The following R3HCC1L variants were observed in gnomAD, a reference collection of about 807,000 sequenced individuals.
R3HCC1L encodes the protein coiled-coil domain-containing protein R3HCC1L.
R3HCC1L carries 51 observed loss-of-function variants against 59.9 expected under a neutral mutation model. That is an observed-to-expected ratio of 0.85 (90% CI 0.68 to 1.07). The LOEUF (loss-of-function observed/expected upper bound fraction) is 1.07, where lower values mean the gene tolerates loss of function less well. Ranked by LOEUF, R3HCC1L falls within the 50% of genes least tolerant of loss-of-function variation. The probability of loss-of-function intolerance (pLI) is 0.00; values close to 1 mark genes in which losing one functional copy is unlikely to be tolerated. For synonymous variants in R3HCC1L, 322 were observed against 315.2 expected (o/e 1.02, Z -0.23); for missense variants, 965 against 933.0 (o/e 1.03, Z -0.45).
intron 4 of R3HCC1L, chr10:98,186,530 G>A (rs1324331697): frequency 2.0e-6 from 2 of 982,300 alleles, no homozygotes; most frequent in Non-Finnish European, 2.4e-6. Context: ...ACATTAGAGT[G>A]TTCAAGTCTT....
chr10:98,208,522 G>A lies in R3HCC1L; in HGVS notation c.408G>A (p.Leu136=), dbSNP rs370973175. 4.9e-5 allele frequency: 79 copies of A among 1,614,160 alleles called. No homozygotes were observed. The South Asian group carries it at 8.3e-4, about 17-fold the overall frequency. The part of the protein sequence containing the change: ...PNAGVITNAP[L]QRHFKPKKVE... ...CTGGGGTTATAACTAATGCACCTTT[G>A]CAGAGACATTTTAAACCAAAGAAGG... The change falls in exon 5 of 10, where the codon TTG becomes TTA. Residue 136 remains leucine, a synonymous_variant. Transcript: ENST00000298999.
At chr10:98,144,663 G>C (rs577606591) in intron 1 of R3HCC1L, among the ~76,000 whole-genome samples, 1 of 152,338 alleles carries the variant, frequency 6.6e-6, no homozygotes, top group South Asian at 2.1e-4. Flanking sequence ...GATTTCCAAA[G>C]TATTGACACA....
chr10:98,203,925 A>G (rs1363843188), intron 4 of R3HCC1L, among the ~76,000 whole-genome samples: 1 of 152,186 alleles, frequency 6.6e-6, no homozygotes, highest in Non-Finnish European at 1.5e-5. Context: ...GACCTCCATT[A>G]TGAAGGAATC....
chr10:98,235,585 T>A (rs1856842020), intron 8 of R3HCC1L, 65 bp downstream of exon 8: 1 of 1,286,770 alleles, frequency 7.8e-7, no homozygotes, highest in African/African-American at 1.5e-5. Flanking sequence ...TCCAGAAGTT[T>A]TATAGCATCC....
chr10:98,154,182 C>CAAAA (rs61379048), intron 1 of R3HCC1L, among the ~76,000 whole-genome samples: 70 of 92,794 alleles, frequency 7.5e-4, no homozygotes, highest in Non-Finnish European at 1.0e-3. Context: ...AGAGAATAAG[C>CAAAA]AAAAAAAAAA....
At chr10:98,157,078 G>A (rs1846956519) in intron 2 of R3HCC1L, among the ~76,000 whole-genome samples, 3 of 152,168 alleles carry the variant, frequency 2.0e-5, no homozygotes, top group Admixed American at 2.0e-4. Context: ...TGAAGGCATA[G>A]TTTCTTTTTT....
At chr10:98,152,285 C>T (rs1444443755) in intron 1 of R3HCC1L, among the ~76,000 whole-genome samples, 3 of 152,136 alleles carry the variant, frequency 2.0e-5, no homozygotes, top group African/African-American at 4.8e-5. Context: ...AGTGCAGTGG[C>T]GCCATCTCGG....
chr10:98,194,035 GAGAA>G (rs1038018158), intron 4 of R3HCC1L, among the ~76,000 whole-genome samples: 2 of 151,472 alleles, frequency 1.3e-5, no homozygotes, highest in African/African-American at 4.9e-5. Context: ...AAGCAGTCTT[GAGAA>G]AGAAGAACAA....
In R3HCC1L at chr10:98,163,272, CTTA is replaced by C. The variant is rs1438928789; in HGVS notation, c.-119-14_-119-12del. On this transcript the variant is annotated intron_variant, in intron 3 of 9. Transcript: ENST00000298999. ...TAACTGTGTATTTTTATAAAAATAA[CTTA>C]TTATTACTATTTTTCAGGTGAGGCT... The C allele has an allele frequency of 7.8e-5, 38 of 488,134 alleles. No individual in the cohort carries two copies. In the East Asian group the frequency reaches 1.1e-3, roughly 14 times the overall value. 30.2% of individuals were successfully genotyped at this position (488,134 alleles called of 1,614,324 possible).
intron 1 of R3HCC1L, among the ~76,000 whole-genome samples, chr10:98,153,627 A>AAAAAG (rs1279353531): frequency 6.6e-6 from 1 of 151,284 alleles, no homozygotes; most frequent in African/African-American, 2.4e-5. Context: ...AAAAAAAAAA[A>AAAAAG]AAAAGAAGTT....
chr10:98,217,437 A>G (rs1854340354), intron 5 of R3HCC1L, among the ~76,000 whole-genome samples: 1 of 152,058 alleles, frequency 6.6e-6, no homozygotes, highest in African/African-American at 2.4e-5. Flanking sequence ...ATTTTTTGAA[A>G]TCAGGTAGTG....
At chr10:98,142,870 G>T (rs546065493) in intron 1 of R3HCC1L, among the ~76,000 whole-genome samples, 1 of 152,190 alleles carries the variant, frequency 6.6e-6, no homozygotes, top group East Asian at 1.9e-4. Context: ...GGGAGGCAGA[G>T]ATTATAGTGA....
intron 5 of R3HCC1L, among the ~76,000 whole-genome samples, chr10:98,214,405 T>C (rs932169339): frequency 3.4e-4 from 52 of 152,122 alleles, no homozygotes; most frequent in Non-Finnish European, 1.2e-4. Context: ...AAATCTTAAA[T>C]TGATTTTCTT....
intron 5 of R3HCC1L, among the ~76,000 whole-genome samples, chr10:98,211,804 T>A (rs1853611857): frequency 6.6e-6 from 1 of 152,146 alleles, no homozygotes; most frequent in African/African-American, 2.4e-5. Flanking sequence ...GGGTAGCTTA[T>A]GGATATGGCT....
chr10:98,201,982 G>T (rs1388602066), intron 4 of R3HCC1L, among the ~76,000 whole-genome samples: 1 of 151,496 alleles, frequency 6.6e-6, no homozygotes, highest in African/African-American at 2.4e-5. Flanking sequence ...GCACACTGCA[G>T]CCTTGAACTC....
intron 4 of R3HCC1L, among the ~76,000 whole-genome samples, chr10:98,187,024 G>A (rs1590623097): frequency 6.6e-6 from 1 of 152,150 alleles, no homozygotes; most frequent in East Asian, 1.9e-4. Flanking sequence ...ACCTTGAAGA[G>A]TTGTTACAAA....
intron 5 of R3HCC1L, among the ~76,000 whole-genome samples, chr10:98,219,178 T>C (rs570228012): frequency 2.6e-5 from 4 of 152,310 alleles, no homozygotes; most frequent in South Asian, 4.1e-4. Flanking sequence ...TCCCAAAGTG[T>C]TGGGATTACA....
intron 2 of R3HCC1L, among the ~76,000 whole-genome samples, chr10:98,160,016 A>T (rs886747416): frequency 2.6e-5 from 4 of 152,232 alleles, no homozygotes; most frequent in Non-Finnish European, 5.9e-5. Flanking sequence ...CAGATACCTC[A>T]GATTCTGACC....
chr10:98,231,780 CG>C, intron 6 of R3HCC1L, 93 bp downstream of exon 6: 2 of 1,292,430 alleles, frequency 1.5e-6, no homozygotes, highest in South Asian at 3.1e-5. Context: ...TTTTATATCC[CG>C]TTTTTCATAT....
Sources: allele counts gnomAD v4.1 joint callset (sites outside exome capture counted in the v4.1 genomes callset), GRCh38; gene constraint gnomAD v4.1.1; transcripts MANE v1.5; gene names NCBI Gene and HGNC (gene_info 2026-07-23, HGNC 2026-07-21).